EPHA6: variants seen among roughly 807,000 people sequenced by gnomAD.
EPHA6 encodes ephrin type-A receptor 6.
Under a neutral mutation model 112.0 loss-of-function variants are expected in EPHA6, and 50 were observed. The observed-to-expected ratio is 0.45, with a 90% CI of 0.36 to 0.56. EPHA6 has a LOEUF of 0.56. Among genes scored for constraint, EPHA6 ranks in the 20% least tolerant of loss-of-function variants. The pLI, the probability that EPHA6 is intolerant of heterozygous loss-of-function variation, is 0.00. For missense variants in EPHA6, 1,280 were observed against 1,417.4 expected, an observed-to-expected ratio of 0.90 and a Z score of 1.56; for synonymous variants, 529 against 490.7, an observed-to-expected ratio of 1.08 and a Z score of -1.03.
intron 6 of EPHA6, among the ~76,000 whole-genome samples, chr3:97,447,523 AT>A (rs1560019026): frequency 1.3e-5 from 2 of 152,072 alleles, no homozygotes; most frequent in Admixed American, 1.3e-4. Flanking sequence ...ACACAAATGC[AT>A]TTTTTTCCAG....
intron 5 of EPHA6, among the ~76,000 whole-genome samples, chr3:97,278,162 T>C (rs1418975814): frequency 6.6e-6 from 1 of 152,242 alleles, no homozygotes; most frequent in Non-Finnish European, 1.5e-5. Flanking sequence ...TCCTCTCTGA[T>C]TTTGATTTCT....
intron 10 of EPHA6, among the ~76,000 whole-genome samples, chr3:97,527,999 G>A (rs768332737): frequency 1.4e-4 from 21 of 152,112 alleles, no homozygotes; most frequent in Non-Finnish European, 2.5e-4. Context: ...CTTAGGACTC[G>A]CACCATAGTA....
chr3:97,000,233 C>A (rs2107898698), intron 3 of EPHA6, among the ~76,000 whole-genome samples: 1 of 150,686 alleles, frequency 6.6e-6, no homozygotes, highest in Admixed American at 6.7e-5. Context: ...TGTTATGGGT[C>A]TATTCCAATT....
At position 97,407,490 on chromosome 3, in the gene EPHA6, T is replaced by TTG. The variant is rs371201863; in HGVS notation, c.1731+2234_1731+2235dup. 2.2e-3 allele frequency among the ~76,000 whole-genome samples: 330 copies of TTG among 149,308 alleles called. 1 individual carries two copies. Among genetic ancestry groups the TTG allele is most frequent in the Admixed American group, 5.2e-3 (78 of 14,944 alleles). On this transcript the variant is annotated intron_variant, in intron 6 of 17. Transcript: ENST00000389672. The stretch of plus-strand genomic sequence containing the variant: ...GTGTGTGTGATGTGTCTGAGTGTGT[T>TTG]TGTGTGTGTGTGTGTGTGTATTAAG...
chr3:97,315,712 A>G (rs538629633), intron 5 of EPHA6, among the ~76,000 whole-genome samples: 1 of 151,884 alleles, frequency 6.6e-6, no homozygotes, highest in South Asian at 2.1e-4. Context: ...TTCAAAACAT[A>G]AAAAAGCTTC....
At chr3:96,916,236 G>A (rs1010032152) in intron 2 of EPHA6, among the ~76,000 whole-genome samples, 3 of 152,060 alleles carry the variant, frequency 2.0e-5, no homozygotes, top group African/African-American at 7.2e-5. Flanking sequence ...AGGATTTTGG[G>A]ACAGAGCCTT....
intron 3 of EPHA6, among the ~76,000 whole-genome samples, chr3:97,113,124 G>A (rs2047774057): frequency 6.6e-6 from 1 of 152,052 alleles, no homozygotes; most frequent in African/African-American, 2.4e-5. Context: ...TTGTCCTGTA[G>A]ATAATCATTT....
At chr3:96,914,394 C>G (rs1388527261) in intron 2 of EPHA6, among the ~76,000 whole-genome samples, 1 of 152,070 alleles carries the variant, frequency 6.6e-6, no homozygotes, top group Non-Finnish European at 1.5e-5. Context: ...TAAATATTAT[C>G]ATTGTTAAAA....
At chr3:96,906,108 A>C (rs748708361) in intron 2 of EPHA6, among the ~76,000 whole-genome samples, 1 of 152,024 alleles carries the variant, frequency 6.6e-6, no homozygotes, top group Non-Finnish European at 1.5e-5. Context: ...TAAATTACCA[A>C]ATATGTTCTT....
At chr3:97,177,959 T>C (rs1264667398) in intron 3 of EPHA6, among the ~76,000 whole-genome samples, 1 of 152,044 alleles carries the variant, frequency 6.6e-6, no homozygotes, top group East Asian at 1.9e-4. Flanking sequence ...AATGTTATTA[T>C]TGATAAGTAA....
At chr3:97,240,129 A>T (rs928414650) in intron 4 of EPHA6, among the ~76,000 whole-genome samples, 1 of 151,824 alleles carries the variant, frequency 6.6e-6, no homozygotes, top group Non-Finnish European at 1.5e-5. Context: ...AAACATATAG[A>T]TAGAGAAAGA....
chr3:97,742,120 G>T (rs1016658437), intron 16 of EPHA6, among the ~76,000 whole-genome samples: 2 of 152,026 alleles, frequency 1.3e-5, no homozygotes, highest in Non-Finnish European at 2.9e-5. Context: ...AATTTTTCTG[G>T]TGCTGGCATA....
At chr3:97,456,342 A>G (rs1249108628) in intron 7 of EPHA6, among the ~76,000 whole-genome samples, 1 of 152,080 alleles carries the variant, frequency 6.6e-6, no homozygotes. Flanking sequence ...TATAGTCACC[A>G]TGCTGTATAT....
intron 2 of EPHA6, among the ~76,000 whole-genome samples, chr3:96,978,850 C>T (rs910664603): frequency 6.6e-6 from 1 of 152,074 alleles, no homozygotes; most frequent in South Asian, 2.1e-4. Context: ...ACTTCAGACC[C>T]TTCTCTCATT....
intron 1 of EPHA6, among the ~76,000 whole-genome samples, chr3:96,839,710 G>A (rs1325359037): frequency 6.6e-6 from 1 of 151,998 alleles, no homozygotes; most frequent in Non-Finnish European, 1.5e-5. Flanking sequence ...GATAGACTAG[G>A]AATGTGAAAA....
intron 14 of EPHA6, among the ~76,000 whole-genome samples, chr3:97,709,909 G>A (rs1336022543): frequency 1.3e-5 from 2 of 152,112 alleles, no homozygotes; most frequent in African/African-American, 4.8e-5. Flanking sequence ...GTTTCCTGAG[G>A]CCTTTCCAGC....
chr3:97,416,324 A>C (rs2088121090), intron 6 of EPHA6, among the ~76,000 whole-genome samples: 1 of 152,108 alleles, frequency 6.6e-6, no homozygotes, highest in African/African-American at 2.4e-5. Context: ...CTAAAGTTAT[A>C]TTAGAATTTA....
chr3:97,094,774 C>T (rs2047185465), intron 3 of EPHA6, among the ~76,000 whole-genome samples: 1 of 152,092 alleles, frequency 6.6e-6, no homozygotes, highest in Admixed American at 6.6e-5. Flanking sequence ...TCTCAGGGAA[C>T]ATCTGCAGGA....
At chr3:97,481,201 G>T in intron 9 of EPHA6, 2 of 1,174,012 alleles carry the variant, frequency 1.7e-6, no homozygotes, top group Non-Finnish European at 2.5e-6. Context: ...ATGAAGTACT[G>T]GAAAAGACAA....
Sources: allele counts gnomAD v4.1 joint callset (sites outside exome capture counted in the v4.1 genomes callset), GRCh38; gene constraint gnomAD v4.1.1; transcripts MANE v1.5; gene names NCBI Gene and HGNC (gene_info 2026-07-23, HGNC 2026-07-21).